PPARGC1A: variants seen among roughly 807,000 people sequenced by gnomAD.
PPARGC1A encodes the protein PPARG coactivator 1 alpha, also known as peroxisome proliferator-activated receptor gamma coactivator 1-alpha.
PPARGC1A carries 25 observed loss-of-function variants against 88.7 expected under a neutral mutation model. The observed-to-expected ratio is 0.28, with a 90% CI of 0.21 to 0.39. The LOEUF (loss-of-function observed/expected upper bound fraction) is 0.39, where lower values mean the gene tolerates loss of function less well. Among genes scored for constraint, PPARGC1A ranks in the 10% least tolerant of loss-of-function variants. The pLI, the probability that PPARGC1A is intolerant of heterozygous loss-of-function variation, is 1.00. For synonymous variants in PPARGC1A, 363 were observed against 355.6 expected (o/e 1.02, Z -0.24); for missense variants, 880 against 968.7 (o/e 0.91, Z 1.22).
the PPARGC1A span, among the ~76,000 whole-genome samples, chr4:24,075,828 A>G: frequency 5.3e-5 from 8 of 152,086 alleles, no homozygotes; most frequent in Non-Finnish European, 1.0e-4. Flanking sequence ...TCCTTTATAA[A>G]TTACCCAGTC....
chr4:24,276,064 C>T, the PPARGC1A span, among the ~76,000 whole-genome samples: 1 of 152,178 alleles, frequency 6.6e-6, no homozygotes, highest in East Asian at 1.9e-4. Context: ...TATAGCTGAA[C>T]GCTTTTAGCC....
At chr4:24,043,789 G>T in the PPARGC1A span, among the ~76,000 whole-genome samples, 3 of 152,150 alleles carry the variant, frequency 2.0e-5, no homozygotes, top group Non-Finnish European at 4.4e-5. Flanking sequence ...ATTTGTGGTA[G>T]TTGTTGCTTT....
the PPARGC1A span, among the ~76,000 whole-genome samples, chr4:23,911,218 C>T: frequency 3.9e-5 from 6 of 152,084 alleles, no homozygotes; most frequent in East Asian, 1.9e-4. Flanking sequence ...ATTCCTCCCC[C>T]CTCCCCTACT....
At chr4:24,128,323 A>G in the PPARGC1A span, among the ~76,000 whole-genome samples, 1 of 152,220 alleles carries the variant, frequency 6.6e-6, no homozygotes, top group Non-Finnish European at 1.5e-5. Context: ...AGTGTTGTGT[A>G]AAATCAAATG....
chr4:24,157,039 T>C, the PPARGC1A span, among the ~76,000 whole-genome samples: 1 of 152,184 alleles, frequency 6.6e-6, no homozygotes, highest in Non-Finnish European at 1.5e-5. Context: ...GGATACCACA[T>C]AGAGGCTGTA....
the PPARGC1A span, among the ~76,000 whole-genome samples, chr4:24,389,387 G>A: frequency 6.6e-6 from 1 of 152,170 alleles, no homozygotes; most frequent in Non-Finnish European, 1.5e-5. Flanking sequence ...TCCAGAGTCA[G>A]AGGGGTTCAA....
the PPARGC1A span, among the ~76,000 whole-genome samples, chr4:24,447,626 G>A: frequency 6.6e-6 from 1 of 152,190 alleles, no homozygotes; most frequent in South Asian, 2.1e-4. Flanking sequence ...TGCATCTGCT[G>A]TCCAGTTGAG....
chr4:24,198,048 C>T, the PPARGC1A span, among the ~76,000 whole-genome samples: 1 of 152,146 alleles, frequency 6.6e-6, no homozygotes, highest in Non-Finnish European at 1.5e-5. Context: ...TTACTGCCCT[C>T]CTTCACTTCA....
the PPARGC1A span, among the ~76,000 whole-genome samples, chr4:24,130,700 C>T: frequency 1.8e-4 from 27 of 152,270 alleles, no homozygotes; most frequent in East Asian, 4.2e-3. Context: ...CAGACCTGAA[C>T]GTCCTCATCT....
chr4:23,967,510 G>A, the PPARGC1A span, among the ~76,000 whole-genome samples: 11 of 152,148 alleles, frequency 7.2e-5, no homozygotes, highest in East Asian at 1.9e-3. Flanking sequence ...CTCGGGAACC[G>A]GGCTTCTGAT....
the PPARGC1A span, among the ~76,000 whole-genome samples, chr4:24,459,496 G>GA: frequency 8.2e-4 from 124 of 150,654 alleles, no homozygotes; most frequent in African/African-American, 2.8e-3. Flanking sequence ...ATCAATTAAG[G>GA]AAAAAAAAAC....
chr4:24,038,351 T>A, the PPARGC1A span, among the ~76,000 whole-genome samples: 1 of 152,146 alleles, frequency 6.6e-6, no homozygotes. Context: ...CTGGGTGCAT[T>A]AGAGTTTACC....
the PPARGC1A span, among the ~76,000 whole-genome samples, chr4:24,449,581 A>C: frequency 2.6e-5 from 4 of 152,234 alleles, no homozygotes; most frequent in Non-Finnish European, 5.9e-5. Context: ...AGCCTCCAAA[A>C]ATATTTATTG....
At chr4:24,303,253 G>A in the PPARGC1A span, among the ~76,000 whole-genome samples, 1 of 152,110 alleles carries the variant, frequency 6.6e-6, no homozygotes, top group Non-Finnish European at 1.5e-5. Context: ...GAAATTAGTT[G>A]CAAAGTAAAA....
chr4:24,115,805 T>A, the PPARGC1A span, among the ~76,000 whole-genome samples: 1 of 152,160 alleles, frequency 6.6e-6, no homozygotes. Context: ...TTGGTCTTCC[T>A]CTCTGATAAG....
At chr4:24,345,948 T>C in the PPARGC1A span, among the ~76,000 whole-genome samples, 1 of 152,176 alleles carries the variant, frequency 6.6e-6, no homozygotes, top group African/African-American at 2.4e-5. Flanking sequence ...CATTAAGGTA[T>C]ATGCCTTGTA....
chr4:23,811,980 C>T (rs1295092364), intron 10 of PPARGC1A, among the ~76,000 whole-genome samples: 8 of 132,194 alleles, frequency 6.1e-5, no homozygotes, highest in African/African-American at 1.2e-4. Flanking sequence ...TTCCGTGGTG[C>T]GATCTCAGCT....
the PPARGC1A span, among the ~76,000 whole-genome samples, chr4:24,387,824 G>GAAAGAAAGAAAGAA: frequency 4.6e-5 from 3 of 64,996 alleles, no homozygotes; most frequent in South Asian, 6.3e-4. Flanking sequence ...AAGAAAGAAA[G>GAAAGAAAGAAAGAA]AGAGAAAGAG....
At chr4:23,908,489 C>T (rs1190179222), upstream of PPARGC1A, among the ~76,000 whole-genome samples, 4 of 148,152 alleles carry the variant, frequency 2.7e-5, no homozygotes, top group Non-Finnish European at 4.4e-5. Flanking sequence ...AAGTAGCCAC[C>T]ACCACTCATA....
Sources: gnomAD v4.1 joint callset for allele counts (sites outside exome capture counted in the v4.1 genomes callset) on GRCh38, gnomAD v4.1.1 for gene constraint, MANE v1.5 for transcripts, NCBI Gene and HGNC (gene_info 2026-07-23, HGNC 2026-07-21) for gene names.